Variants in ZNF536 observed in about 807,000 individuals in gnomAD.
The protein encoded by ZNF536 is zinc finger protein 536.
A neutral mutation model predicts 84.5 loss-of-function variants in ZNF536; 13 were observed. The ratio of observed to expected loss-of-function variants is 0.15; its 90% CI spans 0.10 to 0.24. The LOEUF (loss-of-function observed/expected upper bound fraction) is 0.24, where lower values mean the gene tolerates loss of function less well. Among genes scored for constraint, ZNF536 ranks in the 10% least tolerant of loss-of-function variants. The pLI, the probability that ZNF536 is intolerant of heterozygous loss-of-function variation, is 1.00. For missense variants in ZNF536, 1,536 were observed against 1,747.5 expected, an observed-to-expected ratio of 0.88 and a Z score of 2.16; for synonymous variants, 811 against 742.5, an observed-to-expected ratio of 1.09 and a Z score of -1.50.
intron 2 of ZNF536, among the ~76,000 whole-genome samples, chr19:30,455,571 TATG>T (rs1382592138): frequency 6.6e-6 from 1 of 152,110 alleles, no homozygotes; most frequent in Non-Finnish European, 1.5e-5. Context: ...AGCGGTGGCA[TATG>T]CCTGTAGTCC....
At chr19:30,244,354 C>G (rs2024132299) in intron 1 of ZNF536, among the ~76,000 whole-genome samples, 1 of 152,086 alleles carries the variant, frequency 6.6e-6, no homozygotes, top group Non-Finnish European at 1.5e-5. Flanking sequence ...CCATCTCTCA[C>G]TTGTGCAAAA....
chr19:30,253,418 C>G (rs545405930), intron 1 of ZNF536, among the ~76,000 whole-genome samples: 1 of 152,224 alleles, frequency 6.6e-6, no homozygotes, highest in African/African-American at 2.4e-5. Flanking sequence ...AATCTTATTG[C>G]AGTTTGGGCT....
At chr19:30,497,585 T>C (rs2054774625) in intron 2 of ZNF536, among the ~76,000 whole-genome samples, 1 of 152,166 alleles carries the variant, frequency 6.6e-6, no homozygotes, top group Non-Finnish European at 1.5e-5. Flanking sequence ...TCATTGCTGC[T>C]CCCACACATG....
chr19:30,328,803 G>A (rs2047118188), intron 2 of ZNF536, among the ~76,000 whole-genome samples: 1 of 152,188 alleles, frequency 6.6e-6, no homozygotes, highest in Non-Finnish European at 1.5e-5. Flanking sequence ...GCGTTGCCAG[G>A]GGCTTGGTGT....
chr19:30,250,919 A>G (rs1375621058), intron 1 of ZNF536, among the ~76,000 whole-genome samples: 1 of 151,826 alleles, frequency 6.6e-6, no homozygotes, highest in Non-Finnish European at 1.5e-5. Context: ...TTTTTTAAAA[A>G]GTGGTATTAT....
intron 1 of ZNF536, among the ~76,000 whole-genome samples, chr19:30,657,616 C>T (rs1016945153): frequency 6.6e-6 from 1 of 152,246 alleles, no homozygotes; most frequent in Non-Finnish European, 1.5e-5. Context: ...AGGACTCATC[C>T]TTCCTTGCAG....
At chr19:30,600,306 T>G (rs895410140) in intron 1 of ZNF536, among the ~76,000 whole-genome samples, 1 of 152,158 alleles carries the variant, frequency 6.6e-6, no homozygotes, top group Non-Finnish European at 1.5e-5. Context: ...TTGGCCAGGC[T>G]GGTCTTGGAA....
At chr19:30,389,704 T>C (rs184145329) in intron 1 of ZNF536, among the ~76,000 whole-genome samples, 99 of 152,276 alleles carry the variant, frequency 6.5e-4, no homozygotes, top group African/African-American at 2.2e-3. Flanking sequence ...GTGGTGCCCT[T>C]GGCTCCTGAA....
chr19:30,440,896 TAGATA>T (rs1252754254), intron 1 of ZNF536, among the ~76,000 whole-genome samples: 3 of 146,826 alleles, frequency 2.0e-5, no homozygotes, highest in African/African-American at 7.5e-5. Flanking sequence ...GATAGATAGA[TAGATA>T]GATAGATAGA....
At chr19:30,373,801 C>T (rs2048700702) in intron 1 of ZNF536, among the ~76,000 whole-genome samples, 1 of 152,140 alleles carries the variant, frequency 6.6e-6, no homozygotes, top group Admixed American at 6.5e-5. Flanking sequence ...TAATCAGATG[C>T]CGAGGAAAGA....
At chr19:30,352,642 G>C (rs1004544776) in intron 3 of ZNF536, among the ~76,000 whole-genome samples, 2 of 151,948 alleles carry the variant, frequency 1.3e-5, no homozygotes, top group Non-Finnish European at 2.9e-5. Context: ...ACCCAGATAG[G>C]AGTCCCGTAC....
At chr19:30,534,748 GT>G in intron 2 of ZNF536, 98 bp from the exon 3 acceptor site, 2 of 1,258,426 alleles carry the variant, frequency 1.6e-6, no homozygotes, top group Non-Finnish European at 2.2e-6. Context: ...GACAGGTGTA[GT>G]ATTGACATGT....
At chr19:30,617,304 C>G (rs112956584) in intron 1 of ZNF536, among the ~76,000 whole-genome samples, 1,861 of 141,494 alleles carry the variant, frequency 0.013, 43 homozygotes, top group African/African-American at 0.045. Context: ...CCCCACAGTC[C>G]CCAGAGTCCA....
At chr19:30,253,852 A>G (rs1033320679) in intron 1 of ZNF536, among the ~76,000 whole-genome samples, 7 of 152,342 alleles carry the variant, frequency 4.6e-5, no homozygotes, top group Admixed American at 3.9e-4. Flanking sequence ...AAAGGGAACA[A>G]GCGTCGCAAA....
intron 1 of ZNF536, among the ~76,000 whole-genome samples, chr19:30,440,886 GATAGATA>G (rs2052006956): frequency 1.8e-3 from 2 of 1,120 alleles, no homozygotes; most frequent in Non-Finnish European, 5.6e-3. Context: ...GGCCAGGATA[GATAGATA>G]GATAGATAGA....
At chr19:30,258,424 G>A (rs898378959) in intron 1 of ZNF536, among the ~76,000 whole-genome samples, 3 of 152,138 alleles carry the variant, frequency 2.0e-5, no homozygotes, top group Non-Finnish European at 4.4e-5. Context: ...ATATTTTTCT[G>A]GCAAAAATTG....
At chr19:30,329,176 GAACATGGGCCACACA>G (rs2047130021) in intron 2 of ZNF536, among the ~76,000 whole-genome samples, 4 of 152,204 alleles carry the variant, frequency 2.6e-5, no homozygotes. Flanking sequence ...CCACCTCTGA[GAACATGGGCCACACA>G]ACAGCAAGTG....
upstream of ZNF536, among the ~76,000 whole-genome samples, chr19:30,367,917 G>A (rs1228426270): frequency 6.6e-6 from 1 of 152,088 alleles, no homozygotes; most frequent in Non-Finnish European, 1.5e-5. Flanking sequence ...TTTTGCTGTG[G>A]GCTCTCCAAG....
At chr19:30,343,795 C>G (rs2047640966) in intron 2 of ZNF536, among the ~76,000 whole-genome samples, 1 of 152,122 alleles carries the variant, frequency 6.6e-6, no homozygotes, top group South Asian at 2.1e-4. Flanking sequence ...AAACTGGGTG[C>G]TGCTTCAGGA....
Sources: allele counts gnomAD v4.1 joint callset (sites outside exome capture counted in the v4.1 genomes callset), GRCh38; gene constraint gnomAD v4.1.1; transcripts MANE v1.5; gene names NCBI Gene and HGNC (gene_info 2026-07-23, HGNC 2026-07-21).